The following CDH11 variants were observed in gnomAD, a reference collection of about 807,000 sequenced individuals.
The protein encoded by CDH11 is cadherin-11.
Under a neutral mutation model 67.8 loss-of-function variants are expected in CDH11, and 11 were observed. That is an observed-to-expected ratio of 0.16 (90% CI 0.10 to 0.27). The LOEUF is 0.27. Among genes scored for constraint, CDH11 ranks in the 10% least tolerant of loss-of-function variants. The pLI is 1.00. For missense variants in CDH11, 847 were observed against 1,031.2 expected, an observed-to-expected ratio of 0.82 and a Z score of 2.45; for synonymous variants, 419 against 400.0, an observed-to-expected ratio of 1.05 and a Z score of -0.57.
chr16:65,118,733 T>C (rs1489659787), intron 1 of CDH11: 1 of 152,188 alleles, frequency 6.6e-6, no homozygotes, highest in Non-Finnish European at 1.5e-5. Context: ...AATTTGACAA[T>C]TCAAGAAAAA....
intron 2 of CDH11, among the ~76,000 whole-genome samples, chr16:65,011,289 A>G (rs777663002): frequency 2.0e-5 from 3 of 152,038 alleles, no homozygotes; most frequent in Non-Finnish European, 2.9e-5. Context: ...TTAACTGGCT[A>G]TCAATGTCTG....
In CDH11 at chr16:64,957,829, T is replaced by C. The variant is rs575423654; in HGVS notation, c.1643-6811A>G. 1.9e-4 allele frequency among the ~76,000 whole-genome samples: 29 copies of C among 152,318 alleles called. 1 individual carries two copies. In the Middle Eastern group the frequency reaches 0.017, roughly 89 times the overall value. On this transcript the variant is annotated intron_variant, in intron 11 of 12. Coordinates refer to ENST00000268603, the MANE Select transcript of CDH11 (RefSeq NM_001797.4). ...ATTTCTTTACACTCATTTACATTTG[T>C]GAATTTTGAAAAATTAATTTTAAGT...
At chr16:64,962,401 A>G (rs1482419227) in intron 11 of CDH11, among the ~76,000 whole-genome samples, 1 of 152,138 alleles carries the variant, frequency 6.6e-6, no homozygotes, top group Non-Finnish European at 1.5e-5. Context: ...GAGACAGACA[A>G]GTAGATACAG....
At chr16:65,108,513 T>C (rs2075103567) in intron 1 of CDH11, among the ~76,000 whole-genome samples, 1 of 152,220 alleles carries the variant, frequency 6.6e-6, no homozygotes, top group African/African-American at 2.4e-5. Flanking sequence ...GCAGTGTCTA[T>C]GAAGAAGAAG....
At chr16:65,041,642 TG>T (rs1356707572) in intron 2 of CDH11, among the ~76,000 whole-genome samples, 2 of 152,222 alleles carry the variant, frequency 1.3e-5, no homozygotes, top group African/African-American at 4.8e-5. Flanking sequence ...TTCATAAACA[TG>T]GATTATTGGA....
At chr16:65,044,250 T>G (rs1381406842) in intron 2 of CDH11, among the ~76,000 whole-genome samples, 1 of 152,162 alleles carries the variant, frequency 6.6e-6, no homozygotes, top group African/African-American at 2.4e-5. Context: ...CTCAAGGATT[T>G]AACAAACTTG....
intron 3 of CDH11, among the ~76,000 whole-genome samples, chr16:65,001,584 T>A (rs191634838): frequency 6.6e-6 from 1 of 152,220 alleles, no homozygotes; most frequent in Non-Finnish European, 1.5e-5. Flanking sequence ...ATATATTACA[T>A]GTGAATTTGG....
chr16:64,943,971 A>T lies in CDH11; in HGVS notation c.*3632T>A, dbSNP rs1485533556. ...TCATCGATACAAAATAACAAGGGTG[A>T]CCTGCTTTCCATGGAAAAGGAACGT... On this transcript the variant is annotated 3_prime_UTR_variant, in exon 13 of 13. Transcript: ENST00000268603. The T allele has an allele frequency of 4.3e-6, 1 of 231,674 alleles. No homozygotes were observed. The highest frequency in any genetic ancestry group is 8.5e-6 in the Non-Finnish European group (1 of 117,132). 14.4% of individuals were successfully genotyped at this position (231,674 alleles called of 1,614,324 possible).
chr16:65,006,096 C>T (rs761775806), intron 2 of CDH11, among the ~76,000 whole-genome samples: 12 of 152,128 alleles, frequency 7.9e-5, no homozygotes, highest in Non-Finnish European at 1.3e-4. Context: ...AGGAATTCCC[C>T]TTGCTTGTTC....
chr16:65,021,099 T>C (rs2073413794), intron 2 of CDH11, among the ~76,000 whole-genome samples: 1 of 152,142 alleles, frequency 6.6e-6, no homozygotes, highest in Non-Finnish European at 1.5e-5. Flanking sequence ...ACCAAGAGCA[T>C]GCTTCTCTGA....
chr16:65,000,791 A>G (rs1483508866), intron 3 of CDH11, among the ~76,000 whole-genome samples: 2 of 152,150 alleles, frequency 1.3e-5, no homozygotes, highest in Non-Finnish European at 2.9e-5. Flanking sequence ...CCTGGCAGAC[A>G]GAGTGAGACT....
At chr16:65,003,408 C>T (rs1234845913) in intron 3 of CDH11, among the ~76,000 whole-genome samples, 1 of 151,990 alleles carries the variant, frequency 6.6e-6, no homozygotes, top group East Asian at 1.9e-4. Flanking sequence ...AGGCACTCAC[C>T]ACCACGCCTG....
intron 1 of CDH11, among the ~76,000 whole-genome samples, chr16:65,085,335 C>T (rs1000686009): frequency 6.6e-6 from 1 of 152,214 alleles, no homozygotes; most frequent in Non-Finnish European, 1.5e-5. Context: ...AGTCAGATAA[C>T]CTGGGTTGCT....
At chr16:65,086,316 A>G (rs763918408) in intron 1 of CDH11, among the ~76,000 whole-genome samples, 2 of 152,222 alleles carry the variant, frequency 1.3e-5, no homozygotes, top group Admixed American at 6.5e-5. Context: ...ATAGATCATC[A>G]GAGTCACTTG....
intron 5 of CDH11, among the ~76,000 whole-genome samples, chr16:64,992,612 A>T (rs961390876): frequency 7.2e-5 from 11 of 152,264 alleles, no homozygotes; most frequent in African/African-American, 2.7e-4. Context: ...TGAGGAATAT[A>T]GAGAGCACTG....
chr16:65,028,223 T>C (rs990528374), intron 2 of CDH11, among the ~76,000 whole-genome samples: 4 of 152,112 alleles, frequency 2.6e-5, no homozygotes, highest in African/African-American at 7.2e-5. Flanking sequence ...AGATGCCCAG[T>C]TTGATTGCTC....
At chr16:65,033,535 C>T (rs953724209) in intron 2 of CDH11, among the ~76,000 whole-genome samples, 1 of 151,900 alleles carries the variant, frequency 6.6e-6, no homozygotes, top group Non-Finnish European at 1.5e-5. Context: ...GGTCAGGAGA[C>T]AGGCCATCCT....
At chr16:64,995,343 T>C (rs1042758931) in intron 4 of CDH11, among the ~76,000 whole-genome samples, 2 of 152,112 alleles carry the variant, frequency 1.3e-5, no homozygotes, top group Non-Finnish European at 2.9e-5. Context: ...CTTCAAGCTA[T>C]ACTACAAGGC....
chr16:65,085,751 T>C (rs1291851925), intron 1 of CDH11, among the ~76,000 whole-genome samples: 6 of 152,326 alleles, frequency 3.9e-5, no homozygotes, highest in South Asian at 4.1e-4. Flanking sequence ...TTCATATGTG[T>C]GGTTACGTGC....
Sources: gnomAD v4.1 joint callset for allele counts (sites outside exome capture counted in the v4.1 genomes callset) on GRCh38, gnomAD v4.1.1 for gene constraint, MANE v1.5 for transcripts, NCBI Gene and HGNC (gene_info 2026-07-23, HGNC 2026-07-21) for gene names.